The following DHRSX variants were observed in gnomAD, a reference collection of about 807,000 sequenced individuals.
DHRSX encodes polyprenol dehydrogenase.
In DHRSX, 31 loss-of-function variants were observed where a neutral mutation model predicts 34.0. The ratio of observed to expected loss-of-function variants is 0.91; its 90% CI spans 0.69 to 1.23. The LOEUF (loss-of-function observed/expected upper bound fraction) is 1.23, where lower values mean the gene tolerates loss of function less well. Ranked by LOEUF, DHRSX falls within the 50% of genes most tolerant of loss-of-function variation. The pLI, the probability that DHRSX is intolerant of heterozygous loss-of-function variation, is 0.00. For missense variants in DHRSX, 414 were observed against 428.1 expected (o/e 0.97, Z 0.29); for synonymous variants, 201 against 183.8 (o/e 1.09, Z -0.76).
intron 4 of DHRSX, among the ~76,000 whole-genome samples, chrX:2,273,890 C>T (rs966877721): frequency 1.1e-4 from 16 of 152,198 alleles, no homozygotes; most frequent in Admixed American, 2.6e-4. Flanking sequence ...CAGATGAATC[C>T]GAGCCGTGCT....
At chrX:2,258,326 G>A (rs1382739336) in intron 5 of DHRSX, among the ~76,000 whole-genome samples, 1 of 152,056 alleles carries the variant, frequency 6.6e-6, no homozygotes, top group African/African-American at 2.4e-5. Flanking sequence ...TACAAGTCCA[G>A]CAGAGAGGCC....
chrX:2,405,214 C>G (rs372660283), intron 3 of DHRSX, among the ~76,000 whole-genome samples: 1 of 152,090 alleles, frequency 6.6e-6, no homozygotes, highest in Admixed American at 6.6e-5. Flanking sequence ...CAAGGCCGGG[C>G]GCGGTGGCTC....
At chrX:2,352,808 A>G (rs1961294631) in intron 3 of DHRSX, among the ~76,000 whole-genome samples, 1 of 152,204 alleles carries the variant, frequency 6.6e-6, no homozygotes, top group African/African-American at 2.4e-5. Context: ...ATGAAGGGCT[A>G]TAGGGACCAG....
chrX:2,470,187 A>G (rs1158794932), intron 1 of DHRSX, among the ~76,000 whole-genome samples: 1 of 150,666 alleles, frequency 6.6e-6, no homozygotes, highest in Non-Finnish European at 1.5e-5. Flanking sequence ...AGAATCTAAA[A>G]AAGCTGAACG....
rs747880106 is a variant in DHRSX at position 2,266,710 on chromosome X, C to A, written c.596+30G>T. The A allele has an allele frequency of 6.2e-6, 10 of 1,602,204 alleles. No individual in the cohort carries two copies. In the Admixed American group the frequency reaches 1.5e-4, roughly 24 times the overall value. On this transcript the variant is annotated intron_variant, in intron 5 of 6. Transcript: ENST00000334651. ...AATAACCTTTAACCCACCTGAGATG[C>A]TGTTATGATTATTCACAGGGTGCAC...
intron 3 of DHRSX, among the ~76,000 whole-genome samples, chrX:2,314,485 GGAA>G (rs2042217611): frequency 7.9e-6 from 1 of 126,412 alleles, no homozygotes; most frequent in African/African-American, 3.6e-5. Flanking sequence ...AAGGAAGGAA[GGAA>G]GGGAGGTAAA....
intron 1 of DHRSX, among the ~76,000 whole-genome samples, chrX:2,477,644 G>A (rs754007773): frequency 4.6e-5 from 7 of 152,234 alleles, no homozygotes; most frequent in South Asian, 2.1e-4. Context: ...TCAGGAGTTC[G>A]AGACCAACAT....
chrX:2,419,712 G>C (rs1275497591), intron 2 of DHRSX, among the ~76,000 whole-genome samples: 1 of 149,160 alleles, frequency 6.7e-6, no homozygotes, highest in Non-Finnish European at 1.5e-5. Flanking sequence ...GCAAACTATC[G>C]CAAGGACAAA....
chrX:2,475,400 G>C (rs1461507313), intron 1 of DHRSX, among the ~76,000 whole-genome samples: 17 of 97,138 alleles, frequency 1.8e-4, no homozygotes, highest in Non-Finnish European at 3.1e-4. Context: ...ATGCGACCAA[G>C]GGACCGCCAC....
intron 6 of DHRSX, among the ~76,000 whole-genome samples, chrX:2,223,271 T>C (rs1439867373): frequency 6.6e-6 from 1 of 152,166 alleles, no homozygotes; most frequent in African/African-American, 2.4e-5. Context: ...GATGGTTTTA[T>C]AAAAGGCCGC....
At chrX:2,437,245 C>T (rs2044003364) in intron 1 of DHRSX, among the ~76,000 whole-genome samples, 1 of 152,068 alleles carries the variant, frequency 6.6e-6, no homozygotes, top group African/African-American at 2.4e-5. Context: ...GTGATCCGCC[C>T]ACCTCAGCCT....
Position 2,227,543 on chromosome X carries a change from AG to A in DHRSX, c.805-6315del, listed in dbSNP as rs202183365. On this transcript the variant is annotated intron_variant, in intron 6 of 6. Transcript: ENST00000334651. ...GAAGCAGAGAAGAAAGGAGGGAGGA[AG>A]AAAAAAGGGAGAAAGGAGGGAAGAA... is the stretch of plus-strand genomic sequence containing the variant. 3.9e-3 allele frequency among the ~76,000 whole-genome samples: 522 copies of A among 135,322 alleles called. 2 individuals carry two copies. Among genetic ancestry groups the A allele is most frequent in the African/African-American group, 0.014 (505 of 35,370 alleles). 88.8% of individuals were successfully genotyped at this position (135,322 alleles called of 152,430 possible).
intron 1 of DHRSX, among the ~76,000 whole-genome samples, chrX:2,473,318 A>G (rs949135201): frequency 6.6e-6 from 1 of 152,164 alleles, no homozygotes; most frequent in African/African-American, 2.4e-5. Context: ...GTTTGAAACC[A>G]GGTGGATCAA....
intron 1 of DHRSX, among the ~76,000 whole-genome samples, chrX:2,445,876 C>A (rs772592012): frequency 6.6e-6 from 1 of 150,736 alleles, no homozygotes; most frequent in Admixed American, 6.6e-5. Context: ...TAAGGGACTC[C>A]GCCATGTACA....
intron 3 of DHRSX, among the ~76,000 whole-genome samples, chrX:2,314,403 A>G (rs865935646): frequency 3.8e-5 from 2 of 52,940 alleles, no homozygotes; most frequent in African/African-American, 9.3e-5. Context: ...AAGGAAGGGA[A>G]AGAAGGGAGG....
intron 3 of DHRSX, among the ~76,000 whole-genome samples, chrX:2,359,911 T>C (rs1448628864): frequency 6.6e-6 from 1 of 151,896 alleles, no homozygotes; most frequent in African/African-American, 2.4e-5. Flanking sequence ...ATAGCATTCA[T>C]TGAGGCCTAT....
intron 1 of DHRSX, among the ~76,000 whole-genome samples, chrX:2,461,038 C>A (rs2044395572): frequency 6.6e-6 from 1 of 152,114 alleles, no homozygotes; most frequent in Non-Finnish European, 1.5e-5. Flanking sequence ...ATTTTTGAAT[C>A]ATGAAACTTT....
chrX:2,407,034 G>A (rs183419157), intron 3 of DHRSX, among the ~76,000 whole-genome samples: 53 of 152,184 alleles, frequency 3.5e-4, no homozygotes, highest in African/African-American at 8.9e-4. Context: ...AACAACACAC[G>A]AAAGCATAAA....
intron 6 of DHRSX, among the ~76,000 whole-genome samples, chrX:2,238,140 G>C (rs1175026501): frequency 6.6e-6 from 1 of 152,162 alleles, no homozygotes; most frequent in African/African-American, 2.4e-5. Flanking sequence ...GATCGCTTGG[G>C]GCTAGGAACT....
Sources: allele counts gnomAD v4.1 joint callset (sites outside exome capture counted in the v4.1 genomes callset), GRCh38; gene constraint gnomAD v4.1.1; transcripts MANE v1.5; gene names NCBI Gene and HGNC (gene_info 2026-07-23, HGNC 2026-07-21).